The following GFM2 variants were observed in gnomAD, a reference collection of about 807,000 sequenced individuals.
GFM2 encodes GTP dependent ribosome recycling factor mitochondrial 2.
In GFM2, 72 loss-of-function variants were observed where a neutral mutation model predicts 95.4. The observed-to-expected ratio is 0.76, with a 90% CI of 0.62 to 0.92. The LOEUF (loss-of-function observed/expected upper bound fraction) is 0.92, where lower values mean the gene tolerates loss of function less well. GFM2 is among the 40% of genes least tolerant of loss of function. GFM2 has a pLI of 0.00. For missense variants in GFM2, 825 were observed against 924.1 expected, an observed-to-expected ratio of 0.89 and a Z score of 1.39; for synonymous variants, 276 against 317.5, an observed-to-expected ratio of 0.87 and a Z score of 1.39.
At chr5:74,755,405 G>A (rs1743928361) in intron 5 of GFM2, among the ~76,000 whole-genome samples, 1 of 152,110 alleles carries the variant, frequency 6.6e-6, no homozygotes, top group Non-Finnish European at 1.5e-5. Context: ...GGTCAACAAT[G>A]ATATCAAGAT....
At chr5:74,749,563 T>C (rs891066744) in intron 7 of GFM2, among the ~76,000 whole-genome samples, 4 of 152,220 alleles carry the variant, frequency 2.6e-5, no homozygotes, top group African/African-American at 7.2e-5. Flanking sequence ...TGGGTTATTA[T>C]TGATTTATGG....
rs1048748858 is a variant in GFM2, at chr5:74,759,358, A to G, written c.206+11T>C. ...GTCTATGGAAAAGCATGATATAATG[A>G]TAGTACTTACTTAGCTATGGGAGGA... On this transcript the variant is annotated intron_variant, in intron 4 of 20. Coordinates refer to ENST00000296805, the MANE Select transcript of GFM2 (RefSeq NM_032380.5). 2 of 1,445,296 alleles carry G rather than the reference A, an allele frequency of 1.4e-6. No individual in the cohort carries two copies. The highest frequency in any genetic ancestry group is 2.9e-5 in the African/African-American group (2 of 69,678). The allele number at this position is 1,445,296 out of a possible 1,614,324, so 89.5% of individuals were successfully genotyped here.
intron 5 of GFM2, among the ~76,000 whole-genome samples, chr5:74,753,614 CTTCAGAG>C (rs1266511606): frequency 6.6e-6 from 1 of 151,940 alleles, no homozygotes; most frequent in African/African-American, 2.4e-5. Flanking sequence ...GAAGAAACAA[CTTCAGAG>C]TTCAAAGACA....
chr5:74,730,011 C>G (rs1579974770), intron 17 of GFM2, among the ~76,000 whole-genome samples: 1 of 152,186 alleles, frequency 6.6e-6, no homozygotes, highest in Non-Finnish European at 1.5e-5. Flanking sequence ...GTGGCTTACT[C>G]TATTCCATGA....
At chr5:74,733,247 T>A in intron 15 of GFM2, 149 bp from the exon 16 acceptor site, 1 of 582,758 alleles carries the variant, frequency 1.7e-6, no homozygotes, top group Non-Finnish European at 3.1e-6. Context: ...TCCCAGCACT[T>A]TGGGAAGCCA....
chr5:74,725,920 A>C (rs1308751493), intron 18 of GFM2, 21 bp downstream of exon 18: 1 of 1,593,078 alleles, frequency 6.3e-7, no homozygotes, highest in Middle Eastern at 1.7e-4. Flanking sequence ...ACTAATGCTT[A>C]CTCTCATTTG....
intron 7 of GFM2, among the ~76,000 whole-genome samples, chr5:74,748,223 G>A (rs1475738732): frequency 1.3e-5 from 2 of 152,122 alleles, no homozygotes; most frequent in Non-Finnish European, 2.9e-5. Flanking sequence ...CACTTATTTT[G>A]AGGTAAAAGA....
Position 74,721,395 on chromosome 5 carries a change from C to T in GFM2, c.*260G>A. On this transcript the variant is annotated 3_prime_UTR_variant, in exon 21 of 21. Coordinates refer to ENST00000296805, the MANE Select transcript of GFM2 (RefSeq NM_032380.5). ...CTTTGTGATACCACTCTTCTGAAGG[C>T]TACTTATAGTAATAACTTCATAGAT... is the stretch of plus-strand genomic sequence containing the variant. 1.4e-6 allele frequency: 1 copy of T among 718,876 alleles called. No individual in the cohort carries two copies. Among genetic ancestry groups the T allele is most frequent in the Non-Finnish European group, 2.5e-6 (1 of 396,118 alleles). 44.5% of individuals were successfully genotyped at this position (718,876 alleles called of 1,614,324 possible).
intron 5 of GFM2, among the ~76,000 whole-genome samples, chr5:74,754,306 A>G (rs1743866489): frequency 3.1e-5 from 2 of 64,572 alleles, no homozygotes; most frequent in Admixed American, 1.7e-4. Context: ...TAATACAATG[A>G]AAAAAAAAAA....
At chr5:74,722,653 C>CTTTAACTCTCTCT in intron 19 of GFM2, 92 bp from the exon 20 acceptor site, 1 of 956,294 alleles carries the variant, frequency 1.0e-6, no homozygotes. Context: ...CATAAGCTTG[C>CTTTAACTCTCTCT]TTTAACTCTC....
intron 3 of GFM2, among the ~76,000 whole-genome samples, chr5:74,759,767 C>T (rs1264495239): frequency 6.6e-6 from 1 of 152,028 alleles, no homozygotes; most frequent in East Asian, 1.9e-4. Context: ...AGGCAATGAT[C>T]CTGAATCAAA....
chr5:74,757,225 A>G (rs1487507617), intron 5 of GFM2, among the ~76,000 whole-genome samples: 3 of 152,164 alleles, frequency 2.0e-5, no homozygotes, highest in African/African-American at 4.8e-5. Flanking sequence ...GTGTATATAA[A>G]AGAGAGAGAG....
Position 74,726,054 on chromosome 5 carries a change from GTTTCAAT to G in GFM2, c.1792_1798del (p.Ile598HisfsTer7). 1 of 1,613,444 alleles carries G rather than the reference GTTTCAAT, an allele frequency of 6.2e-7. No homozygotes were observed. Among genetic ancestry groups the G allele is most frequent in the Non-Finnish European group, 8.5e-7 (1 of 1,179,720 alleles). On this transcript the variant is annotated frameshift_variant, in exon 18 of 21. Coordinates refer to ENST00000296805, the MANE Select transcript of GFM2 (RefSeq NM_032380.5). LOFTEE classifies it high-confidence loss of function. ...CTCAATCACAGGCATAACAGATGAT[GTTTCAAT>G]TGGCCTTGCTTCCACTTCTACAGTC...
chr5:74,755,597 C>T (rs1373221304), intron 5 of GFM2, among the ~76,000 whole-genome samples: 2 of 152,100 alleles, frequency 1.3e-5, no homozygotes, highest in Non-Finnish European at 2.9e-5. Flanking sequence ...CTATGAACAC[C>T]TTTACGCGCA....
chr5:74,738,641 G>C lies in GFM2; in HGVS notation c.1081C>G (p.Gln361Glu). The C allele has an allele frequency of 6.3e-7, 1 of 1,598,700 alleles. No homozygotes were observed. Among genetic ancestry groups the C allele is most frequent in the Non-Finnish European group, 8.5e-7 (1 of 1,174,580 alleles). ...GCACATAAGTCATCCTTATACCACT[G>C]CCTATAAAATAAACATTCCAAAAAG... ...SPEERNYEFL[Q>E]WYKDDLCALA... The change falls in exon 13 of 21, where the codon CAG (glutamine) becomes GAG (glutamate). Residue 361 changes from glutamine to glutamate, a missense_variant and splice_region_variant. Transcript: ENST00000296805.
At chr5:74,766,735 G>A (rs768385853) in intron 1 of GFM2, among the ~76,000 whole-genome samples, 1 of 152,194 alleles carries the variant, frequency 6.6e-6, no homozygotes, top group Non-Finnish European at 1.5e-5. Flanking sequence ...ACATTACACA[G>A]AGTGACCGGA....
chr5:74,751,263 C>T (rs1743690697), intron 6 of GFM2, 105 bp downstream of exon 6: 1 of 1,116,054 alleles, frequency 9.0e-7, no homozygotes, highest in Non-Finnish European at 1.3e-6. Context: ...GTAAATTTTG[C>T]AACACATGTT....
intron 1 of GFM2, chr5:74,765,073 AC>A: frequency 8.1e-7 from 1 of 1,239,156 alleles, no homozygotes; most frequent in South Asian, 1.3e-5. Flanking sequence ...GGCGTGAGCC[AC>A]CATGCCTGGC....
At position 74,721,728 on chromosome 5, in the gene GFM2, T is replaced by A. The variant is rs1267484157; in HGVS notation, c.2267A>T (p.Glu756Val). Residue 756 changes from glutamate (E) to valine (V), a missense_variant, in exon 21 of 21, where the codon GAA (glutamate) becomes GTA (valine). Coordinates refer to ENST00000296805, the MANE Select transcript of GFM2 (RefSeq NM_032380.5). ...LTSGSATFAL[E>V]LSTYQAMNPQ... ...ATTCATGGCTTGATAAGTAGATAGT[T>A]CTAAGGCAAAAGTAGCTGAGCCTGA... 2 of 1,613,684 alleles carry A rather than the reference T, an allele frequency of 1.2e-6. No individual in the cohort carries two copies. The highest frequency in any genetic ancestry group is 3.3e-5 in the Admixed American group (2 of 59,960).
Sources: allele counts gnomAD v4.1 joint callset (sites outside exome capture counted in the v4.1 genomes callset), GRCh38; gene constraint gnomAD v4.1.1; transcripts MANE v1.5; gene names NCBI Gene and HGNC (gene_info 2026-07-23, HGNC 2026-07-21).